Variants in TSHZ2 observed in about 807,000 individuals in gnomAD.
TSHZ2 encodes teashirt zinc finger homeobox 2, also known as teashirt homolog 2.
A neutral mutation model predicts 74.4 loss-of-function variants in TSHZ2; 21 were observed. That is an observed-to-expected ratio of 0.28 (90% CI 0.20 to 0.41). TSHZ2 has a LOEUF of 0.41. TSHZ2 is among the 10% of genes least tolerant of loss of function. The probability of loss-of-function intolerance (pLI) is 1.00; values close to 1 mark genes in which losing one functional copy is unlikely to be tolerated. For missense variants in TSHZ2, 1,244 were observed against 1,293.5 expected (o/e 0.96, Z 0.59); for synonymous variants, 540 against 515.3 (o/e 1.05, Z -0.65).
intron 2 of TSHZ2, among the ~76,000 whole-genome samples, chr20:53,258,072 A>G (rs997027694): frequency 3.9e-5 from 6 of 152,204 alleles, no homozygotes; most frequent in African/African-American, 1.4e-4. Context: ...GAGTGAGGCG[A>G]TCTACGCTTC....
At chr20:53,154,860 A>G (rs1298587156) in intron 1 of TSHZ2, among the ~76,000 whole-genome samples, 2 of 152,158 alleles carry the variant, frequency 1.3e-5, no homozygotes, top group Non-Finnish European at 2.9e-5. Context: ...ACCAAAAACT[A>G]TCCTTTGCTT....
rs376141888 is a variant in TSHZ2 at position 53,365,564 on chromosome 20, G to A, written c.*8+108993G>A. Among the ~76,000 whole-genome samples the A allele has an allele frequency of 5.0e-4, 76 of 152,282 alleles. 1 individual carries two copies. Among genetic ancestry groups the A allele is most frequent in the African/African-American group, 1.8e-3 (74 of 41,562 alleles). On this transcript the variant is annotated intron_variant, in intron 2 of 2. Coordinates refer to ENST00000371497, the MANE Select transcript of TSHZ2 (RefSeq NM_173485.6). ...TAGGACATGGTTAGATGCCGTTTAC[G>A]CTAAGAGGTGACCAGCTAGATGCTG...
chr20:53,033,104 G>C (rs1983695571), intron 1 of TSHZ2, among the ~76,000 whole-genome samples: 1 of 152,214 alleles, frequency 6.6e-6, no homozygotes, highest in Non-Finnish European at 1.5e-5. Context: ...AATCCAAACA[G>C]ATTAAGTAAG....
intron 2 of TSHZ2, among the ~76,000 whole-genome samples, chr20:53,444,446 G>C (rs923052420): frequency 6.6e-6 from 1 of 152,134 alleles, no homozygotes; most frequent in African/African-American, 2.4e-5. Context: ...GAAAAGGAGA[G>C]AGTGAGTCCT....
intron 2 of TSHZ2, among the ~76,000 whole-genome samples, chr20:53,465,924 C>T (rs1030598441): frequency 6.9e-6 from 1 of 144,068 alleles, no homozygotes; most frequent in African/African-American, 2.6e-5. Context: ...GACACAACCA[C>T]AAACATCGCC....
intron 1 of TSHZ2, among the ~76,000 whole-genome samples, chr20:53,099,292 G>A (rs886740029): frequency 2.0e-5 from 3 of 152,142 alleles, no homozygotes; most frequent in African/African-American, 7.2e-5. Context: ...AATAGTAAAA[G>A]TCATAAACCC....
In TSHZ2 at chr20:53,086,706, G is replaced by A. The variant is rs992685106; in HGVS notation, c.40+113373G>A. ...AATTTGCCTCTGTTAACTGGAACTC[G>A]TGTCCTGAAACCGTGTCTTCCCTTT... On this transcript the variant is annotated intron_variant, in intron 1 of 2. Transcript: ENST00000371497. 4.6e-5 allele frequency among the ~76,000 whole-genome samples: 7 copies of A among 152,104 alleles called. No homozygotes were observed. In the East Asian group the frequency reaches 5.8e-4, roughly 13 times the overall value.
chr20:53,426,411 T>C (rs899606252), intron 2 of TSHZ2, among the ~76,000 whole-genome samples: 4 of 152,192 alleles, frequency 2.6e-5, no homozygotes, highest in African/African-American at 7.2e-5. Flanking sequence ...ATAAATTCTT[T>C]ATCAACTATG....
intron 1 of TSHZ2, among the ~76,000 whole-genome samples, chr20:53,216,949 G>A (rs967081913): frequency 1.3e-5 from 2 of 152,162 alleles, no homozygotes; most frequent in Non-Finnish European, 2.9e-5. Context: ...GCGGTGAGCA[G>A]AGTTGGAAAC....
intron 2 of TSHZ2, among the ~76,000 whole-genome samples, chr20:53,380,918 A>T (rs76812836): frequency 0.013 from 1,923 of 152,342 alleles, 23 homozygotes; most frequent in Non-Finnish European, 0.021. Context: ...GAAACCACGT[A>T]TAAGAAAATA....
At chr20:53,050,430 T>C (rs1984419859) in intron 1 of TSHZ2, among the ~76,000 whole-genome samples, 1 of 152,092 alleles carries the variant, frequency 6.6e-6, no homozygotes. Flanking sequence ...AAATTATGAC[T>C]AATAATTTGC....
chr20:53,000,189 T>A (rs1209482493), intron 1 of TSHZ2, among the ~76,000 whole-genome samples: 3 of 152,244 alleles, frequency 2.0e-5, no homozygotes, highest in Non-Finnish European at 4.4e-5. Context: ...TGTTTTTGTA[T>A]GACCTATGGG....
chr20:52,990,632 G>A (rs1170734272), intron 1 of TSHZ2, among the ~76,000 whole-genome samples: 1 of 152,160 alleles, frequency 6.6e-6, no homozygotes, highest in Non-Finnish European at 1.5e-5. Context: ...GTCAGGGAAG[G>A]AAGAGCCCCC....
At chr20:53,190,705 G>A (rs1370327067) in intron 1 of TSHZ2, among the ~76,000 whole-genome samples, 1 of 152,196 alleles carries the variant, frequency 6.6e-6, no homozygotes, top group Non-Finnish European at 1.5e-5. Flanking sequence ...TTTAATGTAT[G>A]TGAAGTTCAA....
chr20:53,376,809 G>T (rs1338502319), intron 2 of TSHZ2, among the ~76,000 whole-genome samples: 2 of 152,150 alleles, frequency 1.3e-5, no homozygotes, highest in Non-Finnish European at 2.9e-5. Context: ...TCCTTACATG[G>T]GCCAACTCTC....
intron 1 of TSHZ2, among the ~76,000 whole-genome samples, chr20:53,080,269 G>T (rs1235439227): frequency 6.6e-6 from 1 of 151,936 alleles, no homozygotes; most frequent in Non-Finnish European, 1.5e-5. Context: ...TCCTCCCAAG[G>T]GCCACTAAAT....
intron 2 of TSHZ2, among the ~76,000 whole-genome samples, chr20:53,318,967 G>A (rs1979137474): frequency 6.6e-6 from 1 of 152,182 alleles, no homozygotes; most frequent in African/African-American, 2.4e-5. Context: ...GCAAGAGAGA[G>A]TGTGCAGGAA....
At position 53,436,539 on chromosome 20, in the gene TSHZ2, A is replaced by ATTTTTTTTTTTTTTTTTTTTTT. The variant is rs1368192791; in HGVS notation, c.*9-50603_*9-50602insTTTTTTTTTTTTTTTTTTTTTT. 3.3e-5 allele frequency among the ~76,000 whole-genome samples: 3 copies of ATTTTTTTTTTTTTTTTTTTTTT among 89,994 alleles called. 1 individual carries two copies. The highest frequency in any genetic ancestry group is 9.3e-5 in the African/African-American group (2 of 21,480). The allele number at this position is 89,994 out of a possible 152,430, so 59.0% of individuals were successfully genotyped here. A position where few individuals can be genotyped will look rare whatever the true frequency, so the allele number is the denominator to read the frequency against. On this transcript the variant is annotated intron_variant, in intron 2 of 2. Coordinates refer to ENST00000371497, the MANE Select transcript of TSHZ2 (RefSeq NM_173485.6). The stretch of plus-strand genomic sequence containing the variant: ...ATTTTATTTATTTATTATTATTATT[A>ATTTTTTTTTTTTTTTTTTTTTT]TTATTATTATTTTTTTTTTTTTTTT...
At chr20:53,487,013 A>G (rs1986306130) in intron 2 of TSHZ2, 131 bp from the exon 3 acceptor site, 2 of 152,466 alleles carry the variant, frequency 1.3e-5, no homozygotes, top group African/African-American at 4.8e-5. Flanking sequence ...TTATATAACT[A>G]GGACTCTACT....
Sources: gnomAD v4.1 joint callset for allele counts (sites outside exome capture counted in the v4.1 genomes callset) on GRCh38, gnomAD v4.1.1 for gene constraint, MANE v1.5 for transcripts, NCBI Gene and HGNC (gene_info 2026-07-23, HGNC 2026-07-21) for gene names.